Variants in CDHR2 observed in about 807,000 individuals in gnomAD.
CDHR2 encodes cadherin related family member 2.
A neutral mutation model predicts 138.6 loss-of-function variants in CDHR2; 104 were observed. That is an observed-to-expected ratio of 0.75 (90% confidence interval 0.64 to 0.88). CDHR2 has a LOEUF of 0.88. Ranked by LOEUF, CDHR2 falls within the 40% of genes least tolerant of loss-of-function variation. CDHR2 has a pLI of 0.00. For synonymous variants in CDHR2, 755 were observed against 742.8 expected (o/e 1.02, Z -0.27); for missense variants, 1,624 against 1,727.6 (o/e 0.94, Z 1.06).
intron 30 of CDHR2, among the ~76,000 whole-genome samples, chr5:176,592,162 ATGG>A (rs1384403829): frequency 1.0e-5 from 1 of 99,634 alleles, no homozygotes; most frequent in African/African-American, 4.0e-5. Flanking sequence ...GACAATGATG[ATGG>A]TGGTGGTGGT....
At chr5:176,558,598 T>C (rs1757894784) in intron 1 of CDHR2, among the ~76,000 whole-genome samples, 1 of 152,154 alleles carries the variant, frequency 6.6e-6, no homozygotes, top group Non-Finnish European at 1.5e-5. Flanking sequence ...TTGGTCAGGC[T>C]GGTCTCAAAC....
chr5:176,593,173 A>C (rs909129198), intron 31 of CDHR2, among the ~76,000 whole-genome samples: 1 of 152,232 alleles, frequency 6.6e-6, no homozygotes, highest in African/African-American at 2.4e-5. Flanking sequence ...CCAGAGGTGA[A>C]CCAGCATAGT....
At position 176,576,488 on chromosome 5, in the gene CDHR2, T is replaced by C. The variant is rs1486356952; in HGVS notation, c.1194+303T>C. ...GGTGGCTGGCGAGGTCTCCTGGCAT[T>C]GGGCGGCCATGATTTGGGTAGTCCT... On this transcript the variant is annotated intron_variant, in intron 12 of 31. Transcript: ENST00000261944. The surrounding 1 kb of genome is among the most constrained non-coding windows in gnomAD (Gnocchi z 4.5). Among the ~76,000 whole-genome samples, 1 of 151,592 alleles carries C rather than the reference T, an allele frequency of 6.6e-6. No individual in the cohort carries two copies. Among genetic ancestry groups the C allele is most frequent in the Non-Finnish European group, 1.5e-5 (1 of 67,898 alleles).
At position 176,577,694 on chromosome 5, in the gene CDHR2, C is replaced by T; in HGVS notation, c.1408C>T (p.Leu470Phe). The change falls in exon 14 of 32, where the codon CTT becomes TTT. Residue 470 changes from leucine (L) to phenylalanine (F), a missense_variant. Transcript: ENST00000261944. ...NFSVAMVTIH[L>F]RDINDHRPTF... ...CTCCGTCGCCATGGTGACCATCCAC[C>T]TTAGAGACATTAATGACCACAGGCC... The T allele has an allele frequency of 6.2e-7, 1 of 1,614,250 alleles. No homozygotes were observed. The highest frequency in any genetic ancestry group is 8.5e-7 in the Non-Finnish European group (1 of 1,180,050).
At position 176,553,290 on chromosome 5, in the gene CDHR2, C is replaced by T. The variant is rs1757750304; in HGVS notation, c.-16+3876C>T. 6.6e-6 allele frequency among the ~76,000 whole-genome samples: 1 copy of T among 152,194 alleles called. No individual in the cohort carries two copies. The highest frequency in any genetic ancestry group is 6.5e-5 in the Admixed American group (1 of 15,280). On this transcript the variant is annotated intron_variant, in intron 1 of 31. Transcript: ENST00000261944. This position sits in a 1 kb window ranked among gnomAD's most constrained non-coding sequence, Gnocchi z 4.3. Reference sequence around the variant, plus strand: ...TGGCTTGGGTTCTGCCCATTACTGGCTGGGCCGCGCCCTTTCCCCTCTTGG... The same window carrying T: ...TGGCTTGGGTTCTGCCCATTACTGGTTGGGCCGCGCCCTTTCCCCTCTTGG...
upstream of CDHR2, chr5:176,547,314 C>T (rs1757605139): frequency 6.6e-6 from 1 of 152,146 alleles, no homozygotes; most frequent in South Asian, 2.1e-4. Flanking sequence ...CTCAATGGAT[C>T]TCAATTCCCT....
intron 12 of CDHR2, 56 bp from the exon 13 acceptor site, chr5:176,577,343 G>T: frequency 6.5e-7 from 1 of 1,546,992 alleles, no homozygotes; most frequent in South Asian, 1.2e-5. Context: ...ACTGGGGGAA[G>T]ATGCAGGTGG....
At chr5:176,550,686 G>A (rs1249301271) in intron 1 of CDHR2, among the ~76,000 whole-genome samples, 1 of 152,206 alleles carries the variant, frequency 6.6e-6, no homozygotes, top group African/African-American at 2.4e-5. Flanking sequence ...GTGTAGCGGT[G>A]GCGGTGCTGG....
chr5:176,589,094 A>T lies in CDHR2; in HGVS notation c.2920A>T (p.Ile974Phe). ...GTTCTCCATCCTCCGAGTAGACTTCATCTCTAAGGACGGGGCCACCATCCC... is the reference window on the plus strand; with the variant it reads ...GTTCTCCATCCTCCGAGTAGACTTCTTCTCTAAGGACGGGGCCACCATCCC... ...ILFSILRVDF[I>F]SKDGATIPFQ... The change falls in exon 22 of 32, where the codon ATC (isoleucine) becomes TTC (phenylalanine). Residue 974 changes from isoleucine to phenylalanine, a missense_variant. This residue lies in a region of CDHR2 where 556 missense variants were observed against 565.7 expected (regional missense o/e 0.98). Transcript: ENST00000261944. The T allele has an allele frequency of 6.2e-7, 1 of 1,614,060 alleles. No homozygotes were observed. Among genetic ancestry groups the T allele is most frequent in the Non-Finnish European group, 8.5e-7 (1 of 1,179,978 alleles).
At position 176,576,240 on chromosome 5, in the gene CDHR2, C is replaced by T; in HGVS notation, c.1194+55C>T. 1 of 1,390,508 alleles carries T rather than the reference C, an allele frequency of 7.2e-7. No homozygotes were observed. Among genetic ancestry groups the T allele is most frequent in the Non-Finnish European group, 1.0e-6 (1 of 1,003,580 alleles). 86.1% of individuals were successfully genotyped at this position (1,390,508 alleles called of 1,614,324 possible). A position where few individuals can be genotyped will look rare whatever the true frequency, so the allele number is the denominator to read the frequency against. On this transcript the variant is annotated intron_variant, in intron 12 of 31. Transcript: ENST00000261944. The surrounding 1 kb of genome is among the most constrained non-coding windows in gnomAD (Gnocchi z 4.5). ...GGTGGCTGGGGGAGGCCAGTGGGAG[C>T]CTGGATCGAGTGACGGTGTCATGTG...
Position 176,590,595 on chromosome 5 carries a change from G to A in CDHR2, c.3447G>A (p.Ser1149=), listed in dbSNP as rs756061141. ...GSQESQESDL[S]KQLISVIIGL... ...AGGAGAGCCAGGAGTCAGACCTGTC[G>A]AAACAGCTCATCAGTGTCATCATAG... Residue 1149 remains serine, a synonymous_variant, in exon 28 of 32, where the codon TCG becomes TCA. Transcript: ENST00000261944. 28 of 1,614,014 alleles carry A rather than the reference G, an allele frequency of 1.7e-5. No homozygotes were observed. The highest frequency in any genetic ancestry group is 1.2e-4 in the African/African-American group (9 of 75,004).
Position 176,578,603 on chromosome 5 carries a change from A to T in CDHR2, c.1813A>T (p.Ile605Phe). Residue 605 changes from isoleucine to phenylalanine, a missense_variant, in exon 16 of 32, where the codon ATC becomes TTC. Around this residue, in one of 3 missense-constraint regions of CDHR2, gnomAD observed 1,061 missense variants for 1,136.6 expected, o/e 0.93. Coordinates refer to ENST00000261944, the MANE Select transcript of CDHR2 (RefSeq NM_017675.6). ...QEEEGNVSVT[I>F]QAHDNDEPGT... is the part of the protein sequence containing the mutation. ...GGAGGAGGGCAATGTCTCCGTGACC[A>T]TCCAGGTGTGAGCCTGCCTGGACCT... 1.2e-6 allele frequency: 2 copies of T among 1,610,486 alleles called. No homozygotes were observed. The highest frequency in any genetic ancestry group is 1.7e-6 in the Non-Finnish European group (2 of 1,179,974).
Position 176,589,057 on chromosome 5 carries a change from T to C in CDHR2, c.2883T>C (p.Asn961=), listed in dbSNP as rs1364287896. ...VRARDDDSGN[N]GVILFSILRV... is the part of the protein sequence containing the mutation. ...CCAGAGACGATGATTCAGGGAACAA[T>C]GGCGTCATCCTGTTCTCCATCCTCC... Residue 961 remains asparagine, a synonymous_variant, in exon 22 of 32, where the codon AAT becomes AAC. Transcript: ENST00000261944. The C allele has an allele frequency of 6.2e-7, 1 of 1,614,092 alleles. No homozygotes were observed. The highest frequency in any genetic ancestry group is 8.5e-7 in the Non-Finnish European group (1 of 1,179,988).
chr5:176,584,207 G>A lies in CDHR2; in HGVS notation c.2076G>A (p.Leu692=), dbSNP rs1758593263. 6.2e-7 allele frequency: 1 copy of A among 1,614,018 alleles called. No homozygotes were observed. Among genetic ancestry groups the A allele is most frequent in the Non-Finnish European group, 8.5e-7 (1 of 1,179,998 alleles). The change falls in exon 18 of 32, where the codon CTG becomes CTA. Residue 692 remains leucine, a synonymous_variant. Coordinates refer to ENST00000261944, the MANE Select transcript of CDHR2 (RefSeq NM_017675.6). ...TITVEDINDN[L]PIFNQSSYNF... ...GACTGCAGGACATCAATGATAACCT[G>A]CCCATCTTCAATCAGTCCAGCTACA...
At chr5:176,572,225 A>G (rs1758253074) in intron 6 of CDHR2, among the ~76,000 whole-genome samples, 1 of 89,722 alleles carries the variant, frequency 1.1e-5, no homozygotes. Flanking sequence ...CTCTACTGAA[A>G]AAAAAAAAAA....
At position 176,573,985 on chromosome 5, in the gene CDHR2, G is replaced by A. The variant is rs75866588; in HGVS notation, c.406-98G>A. ...GGACAGGGGAACCCTGTCCCCATGAGTGCACAGCTGAGGACACTGAAGCTC... is the reference window on the plus strand; with the variant it reads ...GGACAGGGGAACCCTGTCCCCATGAATGCACAGCTGAGGACACTGAAGCTC... On this transcript the variant is annotated intron_variant, in intron 6 of 31. Coordinates refer to ENST00000261944, the MANE Select transcript of CDHR2 (RefSeq NM_017675.6). 1.4e-5 allele frequency: 13 copies of A among 930,116 alleles called. No homozygotes were observed. The South Asian group carries it at 1.9e-4, about 14-fold the overall frequency. The allele number at this position is 930,116 out of a possible 1,614,324, so 57.6% of individuals were successfully genotyped here. A position where few individuals can be genotyped will look rare whatever the true frequency, so the allele number is the denominator to read the frequency against.
chr5:176,580,868 G>A (rs977794891), intron 16 of CDHR2, among the ~76,000 whole-genome samples: 17 of 152,122 alleles, frequency 1.1e-4, no homozygotes, highest in Admixed American at 6.6e-4. Context: ...CAACAAGAGC[G>A]AAACTGTATG....
chr5:176,571,322 G>A lies in CDHR2; in HGVS notation c.405+20G>A. On this transcript the variant is annotated intron_variant, in intron 6 of 31. Coordinates refer to ENST00000261944, the MANE Select transcript of CDHR2 (RefSeq NM_017675.6). ...AACGAGGTGACACCTGCCTTAATGT[G>A]GTTGTGGGGCAGGGGGCATCCCAAA... The A allele has an allele frequency of 6.3e-7, 1 of 1,576,756 alleles. No homozygotes were observed. The highest frequency in any genetic ancestry group is 8.7e-7 in the Non-Finnish European group (1 of 1,154,894).
chr5:176,586,115 G>A, intron 20 of CDHR2, 90 bp downstream of exon 20: 1 of 1,010,638 alleles, frequency 9.9e-7, no homozygotes, highest in Non-Finnish European at 1.6e-6. Context: ...ACCCCAGGGG[G>A]AGCCTTTAGA....
Sources: allele counts gnomAD v4.1 joint callset (sites outside exome capture counted in the v4.1 genomes callset), GRCh38; gene constraint gnomAD v4.1.1; regional missense constraint gnomAD v4.1.1; non-coding constraint Gnocchi (gnomAD v3.1); transcripts MANE v1.5; gene names NCBI Gene and HGNC (gene_info 2026-07-23, HGNC 2026-07-21).